MSH5: variants seen among roughly 807,000 people sequenced by gnomAD.
The protein encoded by MSH5 is mutS homolog 5.
In MSH5, 78 loss-of-function variants were observed where a neutral mutation model predicts 107.7. That is an observed-to-expected ratio of 0.72 (90% CI 0.60 to 0.87). The LOEUF (loss-of-function observed/expected upper bound fraction) is 0.87, where lower values mean the gene tolerates loss of function less well. MSH5 is among the 40% of genes least tolerant of loss of function. The pLI, the probability that MSH5 is intolerant of heterozygous loss-of-function variation, is 0.00. For synonymous variants in MSH5, 326 were observed against 399.5 expected, an observed-to-expected ratio of 0.82 and a Z score of 2.19; for missense variants, 889 against 1,046.6, an observed-to-expected ratio of 0.85 and a Z score of 2.08.
chr6:31,759,460 C>T lies in MSH5; in HGVS notation c.1443C>T (p.Ala481=), dbSNP rs1468087227. Residue 481 remains alanine (A), a synonymous_variant, in exon 17 of 25, where the codon GCC becomes GCT. Transcript: ENST00000375750. This position sits in a 1 kb window ranked among gnomAD's most constrained non-coding sequence, Gnocchi z 4.7. ...AGGAGAAGCTGCACTATCGTAGTGC[C>T]CGAACCAAGGAGCTGGATGCATTGC... The part of the protein sequence containing the change: ...LSEEKLHYRS[A]RTKELDALLG... The T allele has an allele frequency of 6.2e-7, 1 of 1,612,530 alleles. No individual in the cohort carries two copies. Among genetic ancestry groups the T allele is most frequent in the Non-Finnish European group, 8.5e-7 (1 of 1,179,998 alleles).
At chr6:31,746,107 T>TGTGTGTGTGTGTGTGTGTGA (rs1371223486) in intron 9 of MSH5, 1 of 152,158 alleles carries the variant, frequency 6.6e-6, no homozygotes, top group African/African-American at 2.5e-5. Context: ...TGTGTGTGTG[T>TGTGTGTGTGTGTGTGTGTGA]GTGTGTGAGA....
chr6:31,753,731 CT>C, intron 12 of MSH5, 102 bp downstream of exon 12: 5 of 1,143,212 alleles, frequency 4.4e-6, no homozygotes, highest in Non-Finnish European at 3.8e-6. Context: ...TTATTCTACC[CT>C]CTTTTTTTTT....
At position 31,743,201 on chromosome 6, in the gene MSH5, C is replaced by T. The variant is rs761112698; in HGVS notation, c.415+31C>T. ...TCCTTCCTTTTGCTTTGCCTAACTC[C>T]CTGTTCCGGTGTCCCATTCTTTCCC... On this transcript the variant is annotated intron_variant, in intron 5 of 24. Coordinates refer to ENST00000375750, the MANE Select transcript of MSH5 (RefSeq NM_172166.4). 6.9e-6 allele frequency: 11 copies of T among 1,605,568 alleles called. No homozygotes were observed. In the South Asian group the frequency reaches 1.2e-4, roughly 18 times the overall value.
chr6:31,761,485 C>A lies in MSH5; in HGVS notation c.2051C>A (p.Ala684Glu), dbSNP rs780625907. Residue 684 changes from alanine to glutamate, a missense_variant, in exon 22 of 25, where the codon GCG becomes GAG. By Grantham distance (107) the Ala-to-Glu change is moderately radical (BLOSUM62 -1). Transcript: ENST00000375750. The surrounding 1 kb of genome is among the most constrained non-coding windows in gnomAD (Gnocchi z 5.3). ...CCCTCTTTGCAGGTGGATGGGCTCG[C>A]GCTTCTGGCCGCTGTGCTCCGACAC... ...GKGTNTVDGL[A>E]LLAAVLRHWL... 2.5e-6 allele frequency: 4 copies of A among 1,613,190 alleles called. No individual in the cohort carries two copies. Among genetic ancestry groups the A allele is most frequent in the African/African-American group, 1.3e-5 (1 of 75,034 alleles).
Position 31,759,510 on chromosome 6 carries a change from G to A in MSH5, c.1493G>A (p.Arg498Gln), listed in dbSNP as rs774915854. ...ALLGDLHCEI[R>Q]DQETLLMYQL... ...CTGGGGGACCTGCACTGCGAGATCC[G>A]GGGTGAGGAAAAGCCAGAGGTTATA... Residue 498 changes from arginine (R) to glutamine (Q), a missense_variant and splice_region_variant, in exon 17 of 25, where the codon CGG (arginine) becomes CAG (glutamine). Transcript: ENST00000375750. The surrounding 1 kb of genome is among the most constrained non-coding windows in gnomAD (Gnocchi z 4.7). 1.3e-5 allele frequency: 21 copies of A among 1,612,330 alleles called. No homozygotes were observed. Among genetic ancestry groups the A allele is most frequent in the Admixed American group, 3.3e-5 (2 of 59,986 alleles).
intron 9 of MSH5, 134 bp downstream of exon 9, chr6:31,745,453 C>A: frequency 1.5e-6 from 1 of 663,906 alleles, no homozygotes; most frequent in Non-Finnish European, 2.6e-6. Context: ...ATCCAAATTT[C>A]TTACCTATTT....
chr6:31,741,319 TG>T (rs779948121), intron 3 of MSH5, 33 bp downstream of exon 3: 1 of 1,604,908 alleles, frequency 6.2e-7, no homozygotes, highest in Non-Finnish European at 8.5e-7. Flanking sequence ...CTCTGCTCTC[TG>T]GGATTGCAGA....
At position 31,761,786 on chromosome 6, in the gene MSH5, T is replaced by G; in HGVS notation, c.2182-32T>G. The G allele has an allele frequency of 5.6e-6, 9 of 1,613,078 alleles. No homozygotes were observed. The highest frequency in any genetic ancestry group is 7.6e-6 in the Non-Finnish European group (9 of 1,180,024). On this transcript the variant is annotated intron_variant, in intron 22 of 24. Coordinates refer to ENST00000375750, the MANE Select transcript of MSH5 (RefSeq NM_172166.4). The surrounding 1 kb of genome is among the most constrained non-coding windows in gnomAD (Gnocchi z 5.3). The stretch of plus-strand genomic sequence containing the variant: ...GGTTTCAGGACAGGAAGGAGGTGAT[T>G]GATGATACACTGTCTTTTATTCTCT...
chr6:31,740,534 G>A lies in MSH5; in HGVS notation c.68G>A (p.Gly23Asp), dbSNP rs1323423768. ...QGPRPGAASS[G>D]FPSPAPVPGP... ...CCGAGACCTGGGGCGGCCTCCTCCG[G>A]CTTCCCCAGCCCGGCCCCAGTGCCG... Residue 23 changes from glycine to aspartate, a missense_variant, in exon 2 of 25, where the codon GGC (glycine) becomes GAC (aspartate). Coordinates refer to ENST00000375750, the MANE Select transcript of MSH5 (RefSeq NM_172166.4). This position sits in a 1 kb window ranked among gnomAD's most constrained non-coding sequence, Gnocchi z 4.4. 1 of 1,542,934 alleles carries A rather than the reference G, an allele frequency of 6.5e-7. No individual in the cohort carries two copies. The highest frequency in any genetic ancestry group is 2.0e-5 in the Admixed American group (1 of 49,878).
In MSH5 at chr6:31,743,894, C is replaced by T. The variant is rs779803841; in HGVS notation, c.416-10C>T. 37 of 1,612,470 alleles carry T rather than the reference C, an allele frequency of 2.3e-5. No homozygotes were observed. The highest frequency in any genetic ancestry group is 3.1e-5 in the Non-Finnish European group (36 of 1,179,748). Reference sequence around the variant, plus strand: ...CAAGACCGTTCCCTTTGCTTGCCTCCCTCAAATAGGTCTGGAGATAAGCAA... The same window carrying T: ...CAAGACCGTTCCCTTTGCTTGCCTCTCTCAAATAGGTCTGGAGATAAGCAA... On this transcript the variant is annotated splice_polypyrimidine_tract_variant and intron_variant, in intron 5 of 24. Coordinates refer to ENST00000375750, the MANE Select transcript of MSH5 (RefSeq NM_172166.4).
In MSH5 at chr6:31,759,002, G is replaced by A. The variant is rs748665499; in HGVS notation, c.1327-95G>A. On this transcript the variant is annotated intron_variant, in intron 15 of 24. Coordinates refer to ENST00000375750, the MANE Select transcript of MSH5 (RefSeq NM_172166.4). The surrounding 1 kb of genome is among the most constrained non-coding windows in gnomAD (Gnocchi z 4.7). Reference sequence around the variant, plus strand: ...GAAGAACATGAACACTTTTTTGTGGGGATACAGGGATCTTTTAAGCTCCCT... The same window carrying A: ...GAAGAACATGAACACTTTTTTGTGGAGATACAGGGATCTTTTAAGCTCCCT... The A allele has an allele frequency of 1.1e-5, 16 of 1,411,788 alleles. No homozygotes were observed. The highest frequency in any genetic ancestry group is 1.5e-5 in the Non-Finnish European group (15 of 998,330). 87.5% of individuals were successfully genotyped at this position (1,411,788 alleles called of 1,614,324 possible).
At chr6:31,746,524 C>T (rs1254168884) in intron 9 of MSH5, among the ~76,000 whole-genome samples, 6 of 149,954 alleles carry the variant, frequency 4.0e-5, no homozygotes, top group East Asian at 4.0e-4. Context: ...CTGCAACCTC[C>T]GCCTCTTGGG....
Position 31,758,517 on chromosome 6 carries a change from A to G in MSH5, c.1144-31A>G. 1 of 1,610,826 alleles carries G rather than the reference A, an allele frequency of 6.2e-7. No homozygotes were observed. The highest frequency in any genetic ancestry group is 8.5e-7 in the Non-Finnish European group (1 of 1,178,012). On this transcript the variant is annotated intron_variant, in intron 13 of 24. Coordinates refer to ENST00000375750, the MANE Select transcript of MSH5 (RefSeq NM_172166.4). The surrounding 1 kb of genome is among the most constrained non-coding windows in gnomAD (Gnocchi z 5.1). ...GCTGAGGAACAGGACAGAGGGTGCCAGGTCCTAAGAAACAGTACTTATCTC... is the reference window on the plus strand; with the variant it reads ...GCTGAGGAACAGGACAGAGGGTGCCGGGTCCTAAGAAACAGTACTTATCTC...
intron 9 of MSH5, among the ~76,000 whole-genome samples, chr6:31,746,915 C>T (rs1445902695): frequency 2.0e-5 from 3 of 152,046 alleles, no homozygotes; most frequent in Admixed American, 6.5e-5. Context: ...CTCTGCCTCC[C>T]GGGTTCATGC....
Position 31,759,588 on chromosome 6 carries a change from G to C in MSH5, c.1495+76G>C. The stretch of plus-strand genomic sequence containing the variant: ...GCAGCCAGGGGAAGGAGGGGAGTGG[G>C]CAACTTGGGGATGCTTCCAACAGGC... On this transcript the variant is annotated intron_variant, in intron 17 of 24. Transcript: ENST00000375750. The surrounding 1 kb of genome is among the most constrained non-coding windows in gnomAD (Gnocchi z 4.7). 2.1e-5 allele frequency: 31 copies of C among 1,485,746 alleles called. No homozygotes were observed. Among genetic ancestry groups the C allele is most frequent in the Non-Finnish European group, 2.5e-5 (27 of 1,073,896 alleles). The allele number at this position is 1,485,746 out of a possible 1,614,324, so 92.0% of individuals were successfully genotyped here. A position where few individuals can be genotyped will look rare whatever the true frequency, so the allele number is the denominator to read the frequency against.
At chr6:31,742,813 T>C in intron 3 of MSH5, 64 bp from the exon 4 acceptor site, 1 of 1,512,276 alleles carries the variant, frequency 6.6e-7, no homozygotes, top group Non-Finnish European at 9.2e-7. Context: ...AGGAGGGCTA[T>C]GGGTTTTCTC....
At position 31,760,777 on chromosome 6, in the gene MSH5, C is replaced by T; in HGVS notation, c.1900C>T (p.Arg634Ter). The T allele has an allele frequency of 2.5e-6, 4 of 1,612,986 alleles. No individual in the cohort carries two copies. The highest frequency in any genetic ancestry group is 1.7e-5 in the Admixed American group (1 of 60,014). Residue 634 changes from arginine to a stop codon, truncating the protein, a stop_gained, in exon 20 of 25, where the codon CGA becomes TGA. Coordinates refer to ENST00000375750, the MANE Select transcript of MSH5 (RefSeq NM_172166.4). LOFTEE classifies it high-confidence loss of function. This position sits in a 1 kb window ranked among gnomAD's most constrained non-coding sequence, Gnocchi z 5.6. ...EIGAVDAIFT[R>*]IHSCESISLG... ...TGGGGCAGTAGACGCCATCTTCACA[C>T]GAATTCATAGCTGCGAATCCATCTC...
Position 31,758,814 on chromosome 6 carries a change from G to C in MSH5, c.1265G>C (p.Arg422Pro). ...GLPSFLTEVA[R>P]KELENLDSRI... The stretch of plus-strand genomic sequence containing the variant: ...CCCAGTTTCCTTACTGAGGTTGCCC[G>C]CAAGGAGCTGGAGAATCTGGACTCC... The change falls in exon 15 of 25, where the codon CGC (arginine) becomes CCC (proline). Residue 422 changes from arginine (R) to proline (P), a missense_variant. Transcript: ENST00000375750. The surrounding 1 kb of genome is among the most constrained non-coding windows in gnomAD (Gnocchi z 5.1). 1.2e-6 allele frequency: 2 copies of C among 1,614,200 alleles called. No individual in the cohort carries two copies. Among genetic ancestry groups the C allele is most frequent in the East Asian group, 2.2e-5 (1 of 44,886 alleles).
In MSH5 at chr6:31,744,272, C is replaced by G; in HGVS notation, c.620C>G (p.Pro207Arg). The G allele has an allele frequency of 6.2e-7, 1 of 1,614,140 alleles. No homozygotes were observed. Among genetic ancestry groups the G allele is most frequent in the Non-Finnish European group, 8.5e-7 (1 of 1,180,028 alleles). The change falls in exon 7 of 25, where the codon CCC becomes CGC. Residue 207 changes from proline (P) to arginine (R), a missense_variant. By Grantham distance (103) the Pro-to-Arg change is moderately radical (BLOSUM62 -2). Transcript: ENST00000375750. ...CTGGAAGACTATAATGTCAGCGTCC[C>G]CATCCTGGGCTTTAAGAAATTTATG... ...VELEDYNVSVPILGFKKFMLT... is the reference protein window; with the variant it reads ...VELEDYNVSVRILGFKKFMLT...
Sources: gnomAD v4.1 joint callset for allele counts (sites outside exome capture counted in the v4.1 genomes callset) on GRCh38, gnomAD v4.1.1 for gene constraint, Gnocchi (gnomAD v3.1) non-coding constraint, MANE v1.5 for transcripts, NCBI Gene and HGNC (gene_info 2026-07-23, HGNC 2026-07-21) for gene names.